CEP85L: variants seen among roughly 807,000 people sequenced by gnomAD.
CEP85L encodes the protein centrosomal protein 85L.
A neutral mutation model predicts 100.3 loss-of-function variants in CEP85L; 60 were observed. The ratio of observed to expected loss-of-function variants is 0.60; its 90% CI spans 0.49 to 0.74. The LOEUF is 0.74. Among genes scored for constraint, CEP85L ranks in the 30% least tolerant of loss-of-function variants. The pLI, the probability that CEP85L is intolerant of heterozygous loss-of-function variation, is 0.00. For synonymous variants in CEP85L, 319 were observed against 322.7 expected, an observed-to-expected ratio of 0.99 and a Z score of 0.12; for missense variants, 973 against 936.2, an observed-to-expected ratio of 1.04 and a Z score of -0.51.
rs1774236249 is a variant in CEP85L, at chr6:118,632,609, G to A, written c.76C>T (p.Pro26Ser). The A allele has an allele frequency of 1.9e-6, 3 of 1,604,414 alleles. No homozygotes were observed. The highest frequency in any genetic ancestry group is 2.5e-6 in the Non-Finnish European group (3 of 1,176,838). The stretch of plus-strand genomic sequence containing the variant: ...GGTAGCCATGCTGATGAATAATCTG[G>A]GCCTAAAAAGGGAAATATGTAACAG... ...PGGARSFPAG[P>S]DYSSAWLPAN... Residue 26 changes from proline to serine, a missense_variant and splice_region_variant, in exon 2 of 13, where the codon CCA (proline) becomes TCA (serine). Pro to Ser is a moderately conservative substitution (Grantham distance 74, BLOSUM62 -1). Around this residue, in one of 3 missense-constraint regions of CEP85L, gnomAD observed 79 missense variants for 73.3 expected, o/e 1.08. Coordinates refer to ENST00000368491, the MANE Select transcript of CEP85L (RefSeq NM_001042475.3).
intron 3 of CEP85L, chr6:118,558,682 G>C: frequency 1.9e-6 from 1 of 533,548 alleles, no homozygotes; most frequent in Non-Finnish European, 3.4e-6. Flanking sequence ...GAGAGAGAGA[G>C]AGAGAGGGAG....
At chr6:118,623,755 G>T (rs1773598628) in intron 2 of CEP85L, among the ~76,000 whole-genome samples, 2 of 152,106 alleles carry the variant, frequency 1.3e-5, no homozygotes, top group Non-Finnish European at 1.5e-5. Context: ...TCAGGAAACG[G>T]CCAATTTGGT....
intron 2 of CEP85L, among the ~76,000 whole-genome samples, chr6:118,589,881 T>C (rs1781081056): frequency 6.6e-6 from 1 of 152,232 alleles, no homozygotes; most frequent in Non-Finnish European, 1.5e-5. Context: ...TGTTGATGAA[T>C]GAGACATAGT....
chr6:118,690,271 A>G lies in CEP85L; in HGVS notation c.-28+19765T>C, dbSNP rs186918301. Among the ~76,000 whole-genome samples, 672 of 152,302 alleles carry G rather than the reference A, an allele frequency of 4.4e-3. 7 individuals are homozygous for G. Among genetic ancestry groups the G allele is most frequent in the African/African-American group, 0.016 (647 of 41,572 alleles). On this transcript the variant is annotated intron_variant, in intron 1 of 13. Transcript: ENST00000368488. Reference sequence around the variant, plus strand: ...TTCTTCTGTGTCTGACTTGTAGACCATATCAAATTTGTCATGTCTAACTAT... The same window carrying G: ...TTCTTCTGTGTCTGACTTGTAGACCGTATCAAATTTGTCATGTCTAACTAT...
intron 5 of CEP85L, among the ~76,000 whole-genome samples, chr6:118,498,910 T>G (rs1383997380): frequency 1.3e-5 from 2 of 152,224 alleles, no homozygotes; most frequent in African/African-American, 4.8e-5. Flanking sequence ...CAATGTCTGC[T>G]GTCAGACCAT....
At chr6:118,699,841 C>T (rs975499842) in intron 1 of CEP85L, among the ~76,000 whole-genome samples, 2 of 152,074 alleles carry the variant, frequency 1.3e-5, no homozygotes, top group Non-Finnish European at 2.9e-5. Flanking sequence ...ACTACAGGCA[C>T]GCACCACCAC....
intron 5 of CEP85L, chr6:118,502,222 T>C (rs1775348612): frequency 3.0e-6 from 2 of 677,960 alleles, no homozygotes; most frequent in Non-Finnish European, 5.1e-6. Flanking sequence ...ACCCTGGAGT[T>C]CTTATGTACC....
At chr6:118,634,549 C>T (rs1435576611) in intron 1 of CEP85L, among the ~76,000 whole-genome samples, 1 of 152,144 alleles carries the variant, frequency 6.6e-6, no homozygotes, top group African/African-American at 2.4e-5. Context: ...CAAAGAGACA[C>T]TTTTACCAGC....
At chr6:118,493,959 G>A (rs1031355184) in intron 5 of CEP85L, among the ~76,000 whole-genome samples, 5 of 151,844 alleles carry the variant, frequency 3.3e-5, no homozygotes, top group East Asian at 3.8e-4. Flanking sequence ...ATCAGAAGTC[G>A]CCACTCAGTC....
intron 3 of CEP85L, among the ~76,000 whole-genome samples, chr6:118,540,236 A>C (rs1777832310): frequency 6.6e-6 from 1 of 152,096 alleles, no homozygotes; most frequent in Non-Finnish European, 1.5e-5. Flanking sequence ...TAATTATGGC[A>C]GTGGTTCCTT....
At chr6:118,681,050 C>T (rs552487796) in intron 1 of CEP85L, among the ~76,000 whole-genome samples, 144 of 152,322 alleles carry the variant, frequency 9.5e-4, no homozygotes, top group Non-Finnish European at 1.6e-3. Context: ...GAAATGAATA[C>T]TGGGTTGACA....
At chr6:118,582,019 T>C (rs1376990587) in intron 2 of CEP85L, among the ~76,000 whole-genome samples, 3 of 152,174 alleles carry the variant, frequency 2.0e-5, no homozygotes, top group Non-Finnish European at 4.4e-5. Flanking sequence ...ACAAGTTCTG[T>C]ACAATTGACC....
intron 2 of CEP85L, among the ~76,000 whole-genome samples, chr6:118,613,368 TGCAACG>T (rs1481804651): frequency 5.9e-5 from 9 of 152,158 alleles, no homozygotes; most frequent in Non-Finnish European, 1.3e-4. Flanking sequence ...AAAAAACAAA[TGCAACG>T]CATCCAATTT....
rs569828141 is a variant in CEP85L at position 118,469,446 on chromosome 6, A to C, written c.2023-143T>G. 33 of 618,410 alleles carry C rather than the reference A, an allele frequency of 5.3e-5. No individual in the cohort carries two copies. The South Asian group carries it at 6.1e-4, about 11-fold the overall frequency. The allele number at this position is 618,410 out of a possible 1,614,324, so 38.3% of individuals were successfully genotyped here. A position where few individuals can be genotyped will look rare whatever the true frequency, so the allele number is the denominator to read the frequency against. Reference sequence around the variant, plus strand: ...GCACATTAACCAAATTCAACTACATATATGCAGTGGGAAAAAAAACACATA... The same window carrying C: ...GCACATTAACCAAATTCAACTACATCTATGCAGTGGGAAAAAAAACACATA... On this transcript the variant is annotated intron_variant, in intron 11 of 12. Transcript: ENST00000368491.
chr6:118,490,902 C>A (rs1484374007), intron 6 of CEP85L, among the ~76,000 whole-genome samples: 1 of 151,944 alleles, frequency 6.6e-6, no homozygotes, highest in African/African-American at 2.4e-5. Context: ...CACACACACA[C>A]CACATTTTCT....
intron 3 of CEP85L, among the ~76,000 whole-genome samples, chr6:118,544,801 T>C (rs1335208513): frequency 6.6e-6 from 1 of 152,214 alleles, no homozygotes; most frequent in Non-Finnish European, 1.5e-5. Flanking sequence ...CTGGGTTATA[T>C]CAACAGCCCC....
chr6:118,475,034 T>G (rs537855116), intron 10 of CEP85L, among the ~76,000 whole-genome samples: 24 of 152,348 alleles, frequency 1.6e-4, no homozygotes, highest in African/African-American at 5.5e-4. Context: ...AGGGCATTGT[T>G]GAAAACAACT....
At chr6:118,502,016 T>G in intron 5 of CEP85L, 1 of 830,680 alleles carries the variant, frequency 1.2e-6, no homozygotes, top group Non-Finnish European at 2.0e-6. Context: ...CAGTGGGAAT[T>G]TGAAAGAAGA....
At position 118,566,194 on chromosome 6, in the gene CEP85L, T is replaced by C. The variant is rs757221319; in HGVS notation, c.355A>G (p.Thr119Ala). The C allele has an allele frequency of 6.2e-6, 10 of 1,614,180 alleles. No individual in the cohort carries two copies. Among genetic ancestry groups the C allele is most frequent in the Non-Finnish European group, 7.6e-6 (9 of 1,180,016 alleles). The change falls in exon 3 of 13, where the codon ACA (threonine) becomes GCA (alanine). Residue 119 changes from threonine (T) to alanine (A), a missense_variant. Coordinates refer to ENST00000368491, the MANE Select transcript of CEP85L (RefSeq NM_001042475.3). ...GTACTCCATTTTGAGCCATCTGGTG[T>C]CAATGATTCCCTAAGTTTGGAAATT... ...ASISKLRESLTPDGSKWSTSL... is the reference protein window; with the variant it reads ...ASISKLRESLAPDGSKWSTSL...
Sources: allele counts gnomAD v4.1 joint callset (sites outside exome capture counted in the v4.1 genomes callset), GRCh38; gene constraint gnomAD v4.1.1; regional missense constraint gnomAD v4.1.1; transcripts MANE v1.5; gene names NCBI Gene and HGNC (gene_info 2026-07-23, HGNC 2026-07-21).